Variants in ANKS1B observed in about 807,000 individuals in gnomAD.
ANKS1B encodes the protein ankyrin repeat and sterile alpha motif domain-containing protein 1B.
In ANKS1B, 36 loss-of-function variants were observed where a neutral mutation model predicts 148.3. That is an observed-to-expected ratio of 0.24 (90% CI 0.19 to 0.32). The LOEUF (loss-of-function observed/expected upper bound fraction) is 0.32. ANKS1B is among the 10% of genes least tolerant of loss of function. The probability of loss-of-function intolerance (pLI) is 1.00; values close to 1 mark genes in which losing one functional copy is unlikely to be tolerated. For synonymous variants in ANKS1B, 542 were observed against 560.8 expected, an observed-to-expected ratio of 0.97 and a Z score of 0.47; for missense variants, 1,157 against 1,542.6, an observed-to-expected ratio of 0.75 and a Z score of 4.19.
intron 17 of ANKS1B, among the ~76,000 whole-genome samples, chr12:98,990,131 A>G (rs2099925717): frequency 6.6e-6 from 1 of 152,140 alleles, no homozygotes; most frequent in African/African-American, 2.4e-5. Context: ...AACAATATTA[A>G]TTCTTCCAAT....
intron 12 of ANKS1B, among the ~76,000 whole-genome samples, chr12:99,385,465 T>C (rs2093822064): frequency 6.6e-6 from 1 of 152,166 alleles, no homozygotes; most frequent in Non-Finnish European, 1.5e-5. Context: ...CGAGGCTGTG[T>C]CAAAAGTAAT....
intron 8 of ANKS1B, among the ~76,000 whole-genome samples, chr12:99,710,039 T>C (rs1232965128): frequency 6.6e-6 from 1 of 152,062 alleles, no homozygotes; most frequent in Admixed American, 6.6e-5. Context: ...TTTTCCATAA[T>C]GGGGCTCATT....
intron 22 of ANKS1B, chr12:98,794,475 G>T: frequency 2.2e-6 from 1 of 447,282 alleles, no homozygotes; most frequent in Non-Finnish European, 4.1e-6. Flanking sequence ...GGGACCCATG[G>T]GGGTTCAACA....
At chr12:98,883,382 T>C (rs962266825) in intron 17 of ANKS1B, among the ~76,000 whole-genome samples, 1 of 152,308 alleles carries the variant, frequency 6.6e-6, no homozygotes, top group African/African-American at 2.4e-5. Context: ...TGGTGTGTGA[T>C]GAAGGCTGAC....
chr12:99,656,686 G>A (rs2098451134), intron 8 of ANKS1B, among the ~76,000 whole-genome samples: 2 of 151,866 alleles, frequency 1.3e-5, no homozygotes, highest in Admixed American at 1.3e-4. Context: ...AATAAAGCAT[G>A]AAAATTTGCA....
intron 17 of ANKS1B, among the ~76,000 whole-genome samples, chr12:98,851,528 G>C (rs1281596537): frequency 6.6e-6 from 1 of 152,098 alleles, no homozygotes; most frequent in African/African-American, 2.4e-5. Flanking sequence ...TTTTGCTAAG[G>C]GGGAACCATA....
At chr12:99,651,474 ACTTTAT>A (rs2098419028) in intron 9 of ANKS1B, among the ~76,000 whole-genome samples, 1 of 152,188 alleles carries the variant, frequency 6.6e-6, no homozygotes, top group Non-Finnish European at 1.5e-5. Context: ...ACAGAGACCA[ACTTTAT>A]CTTTATATTC....
At chr12:98,830,634 G>A (rs934833491) in intron 18 of ANKS1B, among the ~76,000 whole-genome samples, 2 of 152,148 alleles carry the variant, frequency 1.3e-5, no homozygotes, top group Non-Finnish European at 2.9e-5. Context: ...CGATGGTTAC[G>A]TCCGGGTGCC....
At chr12:98,756,223 G>A (rs1356653494) in intron 25 of ANKS1B, among the ~76,000 whole-genome samples, 1 of 152,136 alleles carries the variant, frequency 6.6e-6, no homozygotes, top group Non-Finnish European at 1.5e-5. Flanking sequence ...AATCATGGGG[G>A]TGGGTCTTTC....
At chr12:99,088,211 A>T (rs1025657071) in intron 15 of ANKS1B, among the ~76,000 whole-genome samples, 2 of 152,166 alleles carry the variant, frequency 1.3e-5, no homozygotes, top group African/African-American at 4.8e-5. Context: ...TTTTTCTATA[A>T]TACATAGGGA....
chr12:99,402,480 C>A (rs945555407), intron 11 of ANKS1B, among the ~76,000 whole-genome samples: 1 of 145,396 alleles, frequency 6.9e-6, no homozygotes, highest in African/African-American at 2.6e-5. Context: ...CACCCTCCAC[C>A]ATCTGATAGG....
At chr12:99,437,020 T>C (rs1001280560) in intron 11 of ANKS1B, among the ~76,000 whole-genome samples, 1 of 152,000 alleles carries the variant, frequency 6.6e-6, no homozygotes, top group Non-Finnish European at 1.5e-5. Context: ...GTTTGGATGG[T>C]ACTAGGAACA....
intron 16 of ANKS1B, among the ~76,000 whole-genome samples, chr12:99,055,986 A>G (rs574406026): frequency 1.2e-4 from 18 of 152,336 alleles, no homozygotes; most frequent in East Asian, 3.9e-4. Context: ...TCCTAGACCA[A>G]TCTTAAAGAG....
At chr12:99,074,168 A>T (rs1486549459) in intron 16 of ANKS1B, among the ~76,000 whole-genome samples, 1 of 152,202 alleles carries the variant, frequency 6.6e-6, no homozygotes, top group Non-Finnish European at 1.5e-5. Context: ...TGAACTTCTC[A>T]GAATTGAAGG....
intron 14 of ANKS1B, among the ~76,000 whole-genome samples, chr12:99,156,118 G>A (rs1302430975): frequency 6.6e-6 from 1 of 151,868 alleles, no homozygotes; most frequent in Non-Finnish European, 1.5e-5. Flanking sequence ...CTCTTTTTAA[G>A]GGCATTGTCA....
intron 15 of ANKS1B, among the ~76,000 whole-genome samples, chr12:99,107,917 T>TA (rs397707385): frequency 2.6e-5 from 4 of 151,970 alleles, no homozygotes; most frequent in Non-Finnish European, 5.9e-5. Context: ...AAGATTTTTT[T>TA]AAACCATAGC....
intron 22 of ANKS1B, 29 bp downstream of exon 22, chr12:98,798,905 C>G: frequency 6.3e-7 from 1 of 1,583,670 alleles, no homozygotes; most frequent in South Asian, 1.1e-5. Context: ...ATTTCAGCTA[C>G]TAGAAATAAA....
chr12:99,762,839 T>C (rs573628227), intron 8 of ANKS1B, among the ~76,000 whole-genome samples: 11 of 151,856 alleles, frequency 7.2e-5, no homozygotes, highest in African/African-American at 2.4e-4. Context: ...CATTAAAAAA[T>C]GGGTAAAGGA....
At chr12:99,237,322 G>GTA (rs1418434814) in intron 14 of ANKS1B, among the ~76,000 whole-genome samples, 2 of 151,856 alleles carry the variant, frequency 1.3e-5, no homozygotes, top group East Asian at 1.9e-4. Context: ...ACATATATAT[G>GTA]TATATATATG....
Sources: allele counts gnomAD v4.1 joint callset (sites outside exome capture counted in the v4.1 genomes callset), GRCh38; gene constraint gnomAD v4.1.1; transcripts MANE v1.5; gene names NCBI Gene and HGNC (gene_info 2026-07-23, HGNC 2026-07-21).